MACROD2: variants seen among roughly 807,000 people sequenced by gnomAD.
The protein encoded by MACROD2 is mono-ADP ribosylhydrolase 2.
Under a neutral mutation model 70.4 loss-of-function variants are expected in MACROD2, and 36 were observed. The ratio of observed to expected loss-of-function variants is 0.51; its 90% CI spans 0.39 to 0.68. MACROD2 has a LOEUF of 0.68. Among genes scored for constraint, MACROD2 ranks in the 30% least tolerant of loss-of-function variants. The pLI is 0.00. For synonymous variants in MACROD2, 172 were observed against 178.8 expected (o/e 0.96, Z 0.30); for missense variants, 496 against 538.4 (o/e 0.92, Z 0.78).
intron 5 of MACROD2, among the ~76,000 whole-genome samples, chr20:14,982,136 G>A (rs1395835166): frequency 6.6e-6 from 1 of 152,118 alleles, no homozygotes; most frequent in Non-Finnish European, 1.5e-5. Flanking sequence ...GCAGTATTTT[G>A]TCCCTGCCCT....
chr20:15,584,466 A>T (rs1410340753), intron 8 of MACROD2, among the ~76,000 whole-genome samples: 2 of 152,244 alleles, frequency 1.3e-5, no homozygotes, highest in African/African-American at 4.8e-5. Flanking sequence ...TGTAATCTCA[A>T]ACCAGTGATT....
At chr20:14,425,806 G>A (rs1375792329) in intron 3 of MACROD2, among the ~76,000 whole-genome samples, 2 of 152,006 alleles carry the variant, frequency 1.3e-5, no homozygotes, top group African/African-American at 2.4e-5. Flanking sequence ...TCATCTTCCT[G>A]TCTTAGTTTA....
chr20:15,310,551 G>C (rs553824770), intron 6 of MACROD2, among the ~76,000 whole-genome samples: 5 of 152,022 alleles, frequency 3.3e-5, no homozygotes, highest in Non-Finnish European at 7.4e-5. Context: ...ATGCAACTCA[G>C]AAAAGAAAAA....
At chr20:15,897,427 A>C (rs1386107393) in intron 10 of MACROD2, among the ~76,000 whole-genome samples, 1 of 152,054 alleles carries the variant, frequency 6.6e-6, no homozygotes, top group Non-Finnish European at 1.5e-5. Flanking sequence ...TACTTCTTGG[A>C]TCTCGGAATG....
intron 3 of MACROD2, among the ~76,000 whole-genome samples, chr20:14,248,557 TG>T (rs2122260912): frequency 6.6e-6 from 1 of 152,272 alleles, no homozygotes; most frequent in East Asian, 1.9e-4. Flanking sequence ...CATTCCAGCC[TG>T]GGTGACAGAG....
chr20:15,724,912 C>A (rs2050838881), intron 8 of MACROD2, among the ~76,000 whole-genome samples: 2 of 152,090 alleles, frequency 1.3e-5, no homozygotes, highest in South Asian at 4.1e-4. Flanking sequence ...GAAACCCCAT[C>A]TCTACTATAA....
intron 3 of MACROD2, among the ~76,000 whole-genome samples, chr20:14,368,907 C>T (rs2083297673): frequency 6.6e-6 from 1 of 152,190 alleles, no homozygotes; most frequent in Non-Finnish European, 1.5e-5. Context: ...TTCTTCAACA[C>T]TTTGCTAGGC....
At chr20:14,729,192 A>G (rs1461805541) in intron 5 of MACROD2, among the ~76,000 whole-genome samples, 1 of 152,168 alleles carries the variant, frequency 6.6e-6, no homozygotes, top group Non-Finnish European at 1.5e-5. Context: ...TTCTGACTTT[A>G]ACAAATTATA....
intron 9 of MACROD2, among the ~76,000 whole-genome samples, chr20:15,878,816 A>G (rs2064712359): frequency 6.6e-6 from 1 of 152,166 alleles, no homozygotes; most frequent in African/African-American, 2.4e-5. Flanking sequence ...ACATTTCCTT[A>G]TGAAGGGGAT....
chr20:14,578,240 A>C (rs1980749578), intron 4 of MACROD2, among the ~76,000 whole-genome samples: 1 of 151,808 alleles, frequency 6.6e-6, no homozygotes, highest in African/African-American at 2.4e-5. Flanking sequence ...ATGTTCAAAT[A>C]CAACATAAAA....
intron 5 of MACROD2, among the ~76,000 whole-genome samples, chr20:14,902,188 A>G (rs1348400319): frequency 6.6e-6 from 1 of 152,248 alleles, no homozygotes; most frequent in Non-Finnish European, 1.5e-5. Flanking sequence ...TAGGAATACA[A>G]TTTTTTTTAA....
intron 4 of MACROD2, among the ~76,000 whole-genome samples, chr20:14,576,081 A>C (rs1192748837): frequency 6.6e-6 from 1 of 152,154 alleles, no homozygotes; most frequent in Non-Finnish European, 1.5e-5. Context: ...GATCTTTTAG[A>C]TAGCATGCAT....
intron 8 of MACROD2, among the ~76,000 whole-genome samples, chr20:15,548,474 C>A (rs539147897): frequency 3.3e-5 from 5 of 152,160 alleles, no homozygotes; most frequent in Admixed American, 6.5e-5. Flanking sequence ...CGGCTCACTG[C>A]AACCTCCACC....
chr20:14,363,603 G>A (rs963244509), intron 3 of MACROD2, among the ~76,000 whole-genome samples: 12 of 151,508 alleles, frequency 7.9e-5, no homozygotes, highest in African/African-American at 2.9e-4. Context: ...GGCGGATCAC[G>A]AGGTCAGGAT....
At chr20:16,025,172 T>G (rs898686515) in intron 15 of MACROD2, among the ~76,000 whole-genome samples, 1 of 152,170 alleles carries the variant, frequency 6.6e-6, no homozygotes, top group African/African-American at 2.4e-5. Context: ...TCTTGAACTG[T>G]CTCCTGGAAC....
intron 3 of MACROD2, among the ~76,000 whole-genome samples, chr20:14,409,211 A>G (rs1290606727): frequency 6.9e-6 from 1 of 144,374 alleles, no homozygotes; most frequent in African/African-American, 2.6e-5. Flanking sequence ...ATAGGTCCTC[A>G]GTAAATGTTT....
At chr20:15,636,701 T>A (rs1432625422) in intron 8 of MACROD2, among the ~76,000 whole-genome samples, 1 of 152,100 alleles carries the variant, frequency 6.6e-6, no homozygotes, top group East Asian at 1.9e-4. Context: ...TTATTTCTGT[T>A]GTCAACAAAG....
chr20:14,238,756 C>G (rs895335423), intron 3 of MACROD2, among the ~76,000 whole-genome samples: 3 of 151,928 alleles, frequency 2.0e-5, no homozygotes, highest in Non-Finnish European at 2.9e-5. Flanking sequence ...TGACCAGGCC[C>G]AGTGGCTCAT....
intron 6 of MACROD2, among the ~76,000 whole-genome samples, chr20:15,358,291 T>G (rs1260277759): frequency 6.6e-6 from 1 of 152,174 alleles, no homozygotes; most frequent in African/African-American, 2.4e-5. Context: ...TTAAAAGATG[T>G]AAGTACAAAG....
Sources: gnomAD v4.1 joint callset for allele counts (sites outside exome capture counted in the v4.1 genomes callset) on GRCh38, gnomAD v4.1.1 for gene constraint, MANE v1.5 for transcripts, NCBI Gene and HGNC (gene_info 2026-07-23, HGNC 2026-07-21) for gene names.